CACNG8: variants seen among roughly 807,000 people sequenced by gnomAD.
CACNG8 encodes the protein calcium voltage-gated channel auxiliary subunit gamma 8, also known as voltage-dependent calcium channel gamma-8 subunit.
Under a neutral mutation model 26.9 loss-of-function variants are expected in CACNG8, and 5 were observed. The observed-to-expected ratio is 0.19, with a 90% CI of 0.10 to 0.39. The LOEUF (loss-of-function observed/expected upper bound fraction) is 0.39. CACNG8 is among the 10% of genes least tolerant of loss of function. The pLI, the probability that CACNG8 is intolerant of heterozygous loss-of-function variation, is 1.00. For synonymous variants in CACNG8, 321 were observed against 296.7 expected (o/e 1.08, Z -0.84); for missense variants, 473 against 609.4 (o/e 0.78, Z 2.36).
In CACNG8 at chr19:53,963,355, C is replaced by A. The variant is rs1335289045; in HGVS notation, c.213C>A (p.Gly71=). The change falls in exon 1 of 4, where the codon GGC becomes GGA. Residue 71 remains glycine (G), a synonymous_variant. Coordinates refer to ENST00000270458, the MANE Select transcript of CACNG8 (RefSeq NM_031895.6). ...ACGGGACCCCCCACCGCGGGGGCGG[C>A]GGCGCCTCGGAGAAGAAGGACCCCG... 12 of 1,591,780 alleles carry A rather than the reference C, an allele frequency of 7.5e-6. No homozygotes were observed. The highest frequency in any genetic ancestry group is 1.0e-5 in the Non-Finnish European group (12 of 1,174,876).
At position 53,982,068 on chromosome 19, in the gene CACNG8, G is replaced by A. The variant is rs374083366; in HGVS notation, c.509-12G>A. On this transcript the variant is annotated splice_polypyrimidine_tract_variant and intron_variant, in intron 3 of 3. Transcript: ENST00000270458. The surrounding 1 kb of genome is among the most constrained non-coding windows in gnomAD (Gnocchi z 8.4). ...GTGGCCTCGAGGCTCCCGTCTGACC[G>A]TCCCCGCCCAGGCCTGAGCAACATC... 7.1e-6 allele frequency: 11 copies of A among 1,544,656 alleles called. No individual in the cohort carries two copies. Among genetic ancestry groups the A allele is most frequent in the South Asian group, 1.2e-5 (1 of 83,184 alleles).
chr19:53,974,354 T>A (rs2069318763), intron 1 of CACNG8, among the ~76,000 whole-genome samples: 1 of 152,232 alleles, frequency 6.6e-6, no homozygotes, highest in Non-Finnish European at 1.5e-5. Flanking sequence ...TATCCTTTCA[T>A]CTGTCAACGG....
chr19:53,982,719 C>T lies in CACNG8; in HGVS notation c.1148C>T (p.Thr383Met). The T allele has an allele frequency of 2.6e-6, 3 of 1,170,980 alleles. No individual in the cohort carries two copies. Among genetic ancestry groups the T allele is most frequent in the African/African-American group, 1.6e-5 (1 of 61,312 alleles). 72.5% of individuals were successfully genotyped at this position (1,170,980 alleles called of 1,614,324 possible). A position where few individuals can be genotyped will look rare whatever the true frequency, so the allele number is the denominator to read the frequency against. ...GAGGCGGGCGGCGGCGTCACGGTCA[C>T]GGTCACCGGGCCGCCCGCCCCGCCC... The change falls in exon 4 of 4, where the codon ACG becomes ATG. Residue 383 changes from threonine to methionine, a missense_variant. By Grantham distance (81) the Thr-to-Met change is moderately conservative. Coordinates refer to ENST00000270458, the MANE Select transcript of CACNG8 (RefSeq NM_031895.6). The surrounding 1 kb of genome is among the most constrained non-coding windows in gnomAD (Gnocchi z 8.4).
rs918886729 is a variant in CACNG8 at position 53,982,742 on chromosome 19, C to G, written c.1171C>G (p.Pro391Ala). The change falls in exon 4 of 4, where the codon CCC becomes GCC. Residue 391 changes from proline to alanine, a missense_variant. Around this residue, in one of 6 missense-constraint regions of CACNG8, gnomAD observed 212 missense variants for 214.4 expected, o/e 0.99. Coordinates refer to ENST00000270458, the MANE Select transcript of CACNG8 (RefSeq NM_031895.6). The surrounding 1 kb of genome is among the most constrained non-coding windows in gnomAD (Gnocchi z 8.4). Reference sequence around the variant, plus strand: ...CACGGTCACCGGGCCGCCCGCCCCGCCCGCGCCCGCGCCACCCGCGCCCTC... The same window carrying G: ...CACGGTCACCGGGCCGCCCGCCCCGGCCGCGCCCGCGCCACCCGCGCCCTC... 24 of 1,198,630 alleles carry G rather than the reference C, an allele frequency of 2.0e-5. No homozygotes were observed. The African/African-American group carries it at 3.9e-4, about 19-fold the overall frequency. 74.2% of individuals were successfully genotyped at this position (1,198,630 alleles called of 1,614,324 possible).
intron 1 of CACNG8, among the ~76,000 whole-genome samples, chr19:53,964,535 C>G (rs2069261637): frequency 6.6e-6 from 1 of 152,054 alleles, no homozygotes; most frequent in African/African-American, 2.4e-5. Flanking sequence ...GACTCGATGC[C>G]TCAGGCCTTC....
rs776350647 is a variant in CACNG8, at chr19:53,963,336, C to A, written c.194C>A (p.Thr65Asn). 1.3e-6 allele frequency: 2 copies of A among 1,598,848 alleles called. No individual in the cohort carries two copies. Among genetic ancestry groups the A allele is most frequent in the East Asian group, 4.5e-5 (2 of 44,188 alleles). Residue 65 changes from threonine (T) to asparagine (N), a missense_variant, in exon 1 of 4, where the codon ACC (threonine) becomes AAC (asparagine). Transcript: ENST00000270458. ...CTCACGGCCGGCGGCGACGACGGGA[C>A]CCCCCACCGCGGGGGCGGCGGCGCC...
chr19:53,970,942 A>AG (rs1555814769), intron 1 of CACNG8, among the ~76,000 whole-genome samples: 5 of 150,764 alleles, frequency 3.3e-5, no homozygotes, highest in South Asian at 2.1e-4. Context: ...AAAAAAAAAA[A>AG]AAAAGAAAAG....
rs2069389209 is a variant in CACNG8, at chr19:53,983,627, A to G, written c.*778A>G. 6.6e-6 allele frequency: 1 copy of G among 152,258 alleles called. No homozygotes were observed. Among genetic ancestry groups the G allele is most frequent in the African/African-American group, 2.4e-5 (1 of 41,444 alleles). The allele number at this position is 152,258 out of a possible 1,614,324, so 9.4% of individuals were successfully genotyped here. A position where few individuals can be genotyped will look rare whatever the true frequency, so the allele number is the denominator to read the frequency against. On this transcript the variant is annotated 3_prime_UTR_variant, in exon 4 of 4. Coordinates refer to ENST00000270458, the MANE Select transcript of CACNG8 (RefSeq NM_031895.6). ...CATTAATCGATCATGTACATACACA[A>G]TAAATTACAGTTAGGCTATAGGAGA...
chr19:53,967,302 C>T (rs1429795707), intron 1 of CACNG8, among the ~76,000 whole-genome samples: 2 of 152,230 alleles, frequency 1.3e-5, no homozygotes, highest in South Asian at 4.1e-4. Context: ...TTTCTCTTAT[C>T]AAATTTATTA....
intron 3 of CACNG8, 74 bp downstream of exon 3, chr19:53,980,081 TGTGTGCGCGCGC>T: frequency 2.3e-6 from 3 of 1,278,822 alleles, no homozygotes; most frequent in Non-Finnish European, 3.1e-6. Context: ...TGTGTGTGTG[TGTGTGCGCGCGC>T]GCGCGTGAGT....
rs930201683 is a variant in CACNG8 at position 53,982,743 on chromosome 19, C to T, written c.1172C>T (p.Pro391Leu). Residue 391 changes from proline to leucine, a missense_variant, in exon 4 of 4, where the codon CCC becomes CTC. Physicochemically the swap from Pro to Leu is moderately conservative, Grantham distance 98. Transcript: ENST00000270458. The surrounding 1 kb of genome is among the most constrained non-coding windows in gnomAD (Gnocchi z 8.4). ...ACGGTCACCGGGCCGCCCGCCCCGC[C>T]CGCGCCCGCGCCACCCGCGCCCTCT... 4 of 1,199,644 alleles carry T rather than the reference C, an allele frequency of 3.3e-6. No homozygotes were observed. Among genetic ancestry groups the T allele is most frequent in the Non-Finnish European group, 4.1e-6 (4 of 972,670 alleles). 74.3% of individuals were successfully genotyped at this position (1,199,644 alleles called of 1,614,324 possible). A position where few individuals can be genotyped will look rare whatever the true frequency, so the allele number is the denominator to read the frequency against.
Position 53,963,125 on chromosome 19 carries a change from C to A in CACNG8, c.-18C>A, listed in dbSNP as rs1174736008. ...GCCCCGGTGGTGGCCCACGGCCCCC[C>A]GGCTGCCCGTGGTCAAACTGGAGTC... On this transcript the variant is annotated 5_prime_UTR_variant, in exon 1 of 4. Transcript: ENST00000270458. 6.8e-7 allele frequency: 1 copy of A among 1,462,456 alleles called. No homozygotes were observed. The highest frequency in any genetic ancestry group is 2.9e-5 in the East Asian group (1 of 34,400). The allele number at this position is 1,462,456 out of a possible 1,614,324, so 90.6% of individuals were successfully genotyped here.
intron 1 of CACNG8, among the ~76,000 whole-genome samples, chr19:53,973,524 T>TA (rs778369313): frequency 4.3e-5 from 6 of 140,080 alleles, no homozygotes; most frequent in African/African-American, 1.1e-4. Flanking sequence ...CTCTATCTCT[T>TA]AAAAAAAATA....
rs376271634 is a variant in CACNG8 at position 53,979,395 on chromosome 19, TAG to T, written c.368-460_368-459del. On this transcript the variant is annotated intron_variant, in intron 2 of 3. Transcript: ENST00000270458. ...GAGGAGGAGGAGGAAGGAAGGAATG[TAG>T]AGAGAGAGAGAAACCCAGATAGATG... Among the ~76,000 whole-genome samples, 12 of 148,058 alleles carry T rather than the reference TAG, an allele frequency of 8.1e-5. No individual in the cohort carries two copies. In the South Asian group the frequency reaches 1.3e-3, roughly 16 times the overall value.
rs957165091 is a variant in CACNG8 at position 53,982,026 on chromosome 19, C to T, written c.509-54C>T. 16 of 1,007,260 alleles carry T rather than the reference C, an allele frequency of 1.6e-5. No individual in the cohort carries two copies. The East Asian group carries it at 6.9e-4, about 43-fold the overall frequency. The allele number at this position is 1,007,260 out of a possible 1,614,324, so 62.4% of individuals were successfully genotyped here. On this transcript the variant is annotated intron_variant, in intron 3 of 3. Coordinates refer to ENST00000270458, the MANE Select transcript of CACNG8 (RefSeq NM_031895.6). The surrounding 1 kb of genome is among the most constrained non-coding windows in gnomAD (Gnocchi z 8.4). ...GGCGGGCAGGGGTCGGGGCCGGGGG[C>T]GGGGGCGGGGCCGGGGGTGGCCTCG...
At chr19:53,967,706 G>A (rs187271036) in intron 1 of CACNG8, among the ~76,000 whole-genome samples, 4 of 152,234 alleles carry the variant, frequency 2.6e-5, no homozygotes, top group South Asian at 2.1e-4. Flanking sequence ...GTGGTGGCAC[G>A]CGCCTGTAGT....
At chr19:53,973,920 G>A (rs1157374083) in intron 1 of CACNG8, among the ~76,000 whole-genome samples, 2 of 152,220 alleles carry the variant, frequency 1.3e-5, no homozygotes, top group Admixed American at 1.3e-4. Context: ...GTATGTGGGA[G>A]TTGTATATTC....
chr19:53,974,834 G>T (rs1013936250), intron 1 of CACNG8, among the ~76,000 whole-genome samples: 4 of 151,250 alleles, frequency 2.6e-5, no homozygotes, highest in African/African-American at 9.7e-5. Context: ...TAGAGACAGG[G>T]TTTCACCATG....
rs1007911279 is a variant in CACNG8 at position 53,983,437 on chromosome 19, A to G, written c.*588A>G. The G allele has an allele frequency of 6.6e-6, 1 of 152,200 alleles. No homozygotes were observed. The highest frequency in any genetic ancestry group is 6.5e-5 in the Admixed American group (1 of 15,276). 9.4% of individuals were successfully genotyped at this position (152,200 alleles called of 1,614,324 possible). A position where few individuals can be genotyped will look rare whatever the true frequency, so the allele number is the denominator to read the frequency against. ...AGAAGGCATTGGAGCAGGGGACACG[A>G]ACGAGGCACAGAAAGGGCCTTCTCA... On this transcript the variant is annotated 3_prime_UTR_variant, in exon 4 of 4. Transcript: ENST00000270458.
Sources: allele counts gnomAD v4.1 joint callset (sites outside exome capture counted in the v4.1 genomes callset), GRCh38; gene constraint gnomAD v4.1.1; regional missense constraint gnomAD v4.1.1; non-coding constraint Gnocchi (gnomAD v3.1); transcripts MANE v1.5; gene names NCBI Gene and HGNC (gene_info 2026-07-23, HGNC 2026-07-21).